The following CRTC1 variants were observed in gnomAD, a reference collection of about 807,000 sequenced individuals.
CRTC1 encodes the protein CREB-regulated transcription coactivator 1.
A neutral mutation model predicts 66.1 loss-of-function variants in CRTC1; 18 were observed. The observed-to-expected ratio is 0.27, with a 90% CI of 0.19 to 0.40. The LOEUF is 0.40. Among genes scored for constraint, CRTC1 ranks in the 10% least tolerant of loss-of-function variants. CRTC1 has a pLI of 1.00. For missense variants in CRTC1, 669 were observed against 887.9 expected, an observed-to-expected ratio of 0.75 and a Z score of 3.13; for synonymous variants, 416 against 398.8, an observed-to-expected ratio of 1.04 and a Z score of -0.51.
chr19:18,768,790 C>T lies in CRTC1; in HGVS notation c.1317C>T (p.Ala439=). ...PGQPSMGIDI[A]SAPALQQYRT... ...AGCCATCGATGGGGATCGACATCGC[C>T]TCGGTAAGCCCAGGGTGGGGTCCCT... Residue 439 remains alanine, a synonymous_variant, in exon 10 of 14, where the codon GCC becomes GCT. Coordinates refer to ENST00000321949, the MANE Select transcript of CRTC1 (RefSeq NM_015321.3). This position sits in a 1 kb window ranked among gnomAD's most constrained non-coding sequence, Gnocchi z 5.6. 6.3e-7 allele frequency: 1 copy of T among 1,596,830 alleles called. No individual in the cohort carries two copies. The highest frequency in any genetic ancestry group is 8.5e-7 in the Non-Finnish European group (1 of 1,172,902).
chr19:18,687,075 G>A (rs2052702181), intron 1 of CRTC1, among the ~76,000 whole-genome samples: 1 of 147,992 alleles, frequency 6.8e-6, no homozygotes, highest in Non-Finnish European at 1.5e-5. Flanking sequence ...GAGTGCAGTG[G>A]CGCAATCTCG....
chr19:18,706,764 A>G (rs910655002), intron 1 of CRTC1, among the ~76,000 whole-genome samples: 28 of 152,306 alleles, frequency 1.8e-4, no homozygotes, highest in South Asian at 8.3e-4. Context: ...GCTGTTGAGC[A>G]TCTTTTCATG....
intron 1 of CRTC1, among the ~76,000 whole-genome samples, chr19:18,688,783 A>G (rs1488831403): frequency 6.6e-6 from 1 of 151,974 alleles, no homozygotes; most frequent in Non-Finnish European, 1.5e-5. Context: ...TTTCCATGGC[A>G]TTCCGCCACT....
At chr19:18,776,063 G>T (rs1312877262) in intron 13 of CRTC1, among the ~76,000 whole-genome samples, 3 of 152,174 alleles carry the variant, frequency 2.0e-5, no homozygotes, top group Non-Finnish European at 4.4e-5. Context: ...GGATAGAGAC[G>T]GTCACTCTCC....
chr19:18,714,265 C>T (rs574479685), intron 1 of CRTC1, among the ~76,000 whole-genome samples: 101 of 151,360 alleles, frequency 6.7e-4, no homozygotes, highest in African/African-American at 2.1e-3. Context: ...TGGGTCCAGG[C>T]GGGCGCACTC....
At chr19:18,774,219 G>A (rs913972073) in intron 11 of CRTC1, among the ~76,000 whole-genome samples, 1 of 152,168 alleles carries the variant, frequency 6.6e-6, no homozygotes, top group African/African-American at 2.4e-5. Flanking sequence ...CTCTTGGGGA[G>A]GGGCTCCGAG....
At chr19:18,701,138 C>G (rs909261457) in intron 1 of CRTC1, among the ~76,000 whole-genome samples, 1 of 152,238 alleles carries the variant, frequency 6.6e-6, no homozygotes, top group African/African-American at 2.4e-5. Flanking sequence ...CCTTCACTGC[C>G]GGCTCAGCCG....
At chr19:18,730,863 G>A (rs573737211) in intron 1 of CRTC1, among the ~76,000 whole-genome samples, 12 of 152,272 alleles carry the variant, frequency 7.9e-5, no homozygotes, top group African/African-American at 2.4e-4. Context: ...GCCCCGAGTC[G>A]TGGCCTTAGT....
intron 1 of CRTC1, among the ~76,000 whole-genome samples, chr19:18,689,331 C>G (rs959600243): frequency 1.3e-5 from 2 of 151,154 alleles, no homozygotes; most frequent in Non-Finnish European, 2.9e-5. Flanking sequence ...GCGAATCCTG[C>G]ACCATGAAGC....
At chr19:18,720,155 GT>G (rs918223437) in intron 1 of CRTC1, among the ~76,000 whole-genome samples, 16 of 152,080 alleles carry the variant, frequency 1.1e-4, no homozygotes, top group Non-Finnish European at 2.9e-5. Flanking sequence ...GAAAAAGTGA[GT>G]TTTTTTGTTT....
chr19:18,689,668 C>T (rs749441727), intron 1 of CRTC1, among the ~76,000 whole-genome samples: 1 of 144,292 alleles, frequency 6.9e-6, no homozygotes, highest in Non-Finnish European at 1.5e-5. Context: ...GGTGCACCGT[C>T]ACCGGCATGG....
At chr19:18,686,055 C>T (rs2052677208) in intron 1 of CRTC1, among the ~76,000 whole-genome samples, 1 of 152,006 alleles carries the variant, frequency 6.6e-6, no homozygotes, top group African/African-American at 2.4e-5. Flanking sequence ...CATTTTTTAT[C>T]CACCCAGAAA....
At chr19:18,775,558 C>T in intron 12 of CRTC1, 83 bp from the exon 13 acceptor site, 1 of 1,258,404 alleles carries the variant, frequency 7.9e-7, no homozygotes. Context: ...GCGGGCAGGA[C>T]AGCCACAGCA....
chr19:18,696,099 C>A (rs575766112), intron 1 of CRTC1, among the ~76,000 whole-genome samples: 1 of 152,132 alleles, frequency 6.6e-6, no homozygotes, highest in East Asian at 1.9e-4. Context: ...GGCGTCCTCC[C>A]GGGTTTACAG....
chr19:18,694,337 A>C (rs1360508619), intron 1 of CRTC1, among the ~76,000 whole-genome samples: 1 of 152,002 alleles, frequency 6.6e-6, no homozygotes, highest in African/African-American at 2.4e-5. Flanking sequence ...ACGAAGAAAA[A>C]AATAAAAAGT....
chr19:18,706,569 A>T (rs1004662926), intron 1 of CRTC1, among the ~76,000 whole-genome samples: 4 of 152,038 alleles, frequency 2.6e-5, no homozygotes, highest in African/African-American at 9.7e-5. Context: ...GTAGCTTTGT[A>T]GTTAAGTTTT....
At chr19:18,700,642 G>A (rs1360164702) in intron 1 of CRTC1, among the ~76,000 whole-genome samples, 1 of 152,214 alleles carries the variant, frequency 6.6e-6, no homozygotes, top group Non-Finnish European at 1.5e-5. Context: ...GTGGGTGGGT[G>A]CATGCCAGCT....
At chr19:18,738,101 C>T (rs1302273813) in intron 1 of CRTC1, among the ~76,000 whole-genome samples, 1 of 152,030 alleles carries the variant, frequency 6.6e-6, no homozygotes, top group Non-Finnish European at 1.5e-5. Flanking sequence ...GGGAGGACTG[C>T]TTGAAGCCAG....
intron 1 of CRTC1, among the ~76,000 whole-genome samples, chr19:18,729,051 G>C (rs1182847105): frequency 1.3e-5 from 2 of 149,236 alleles, no homozygotes; most frequent in African/African-American, 4.9e-5. Context: ...GACCTCAGGT[G>C]ATCCACCTCC....
Sources: gnomAD v4.1 joint callset for allele counts (sites outside exome capture counted in the v4.1 genomes callset) on GRCh38, gnomAD v4.1.1 for gene constraint, Gnocchi (gnomAD v3.1) non-coding constraint, MANE v1.5 for transcripts, NCBI Gene and HGNC (gene_info 2026-07-23, HGNC 2026-07-21) for gene names.